Variants in NEK6 observed in about 807,000 individuals in gnomAD.
NEK6 encodes NIMA related kinase 6, also known as serine/threonine-protein kinase Nek6.
Under a neutral mutation model 43.5 loss-of-function variants are expected in NEK6, and 27 were observed. The observed-to-expected ratio is 0.62, with a 90% CI of 0.46 to 0.86. The LOEUF is 0.86. NEK6 is among the 40% of genes least tolerant of loss of function. The pLI is 0.00. For missense variants in NEK6, 318 were observed against 414.4 expected, an observed-to-expected ratio of 0.77 and a Z score of 2.02; for synonymous variants, 167 against 164.1, an observed-to-expected ratio of 1.02 and a Z score of -0.14.
chr9:124,291,812 G>A, intron 1 of NEK6: 6 of 985,376 alleles, frequency 6.1e-6, no homozygotes, highest in Non-Finnish European at 7.2e-6. Context: ...TAAGCAGGGG[G>A]CTCCGTGGCG....
intron 2 of NEK6, 124 bp from the exon 3 acceptor site, chr9:124,312,385 G>T: frequency 1.7e-6 from 2 of 1,167,940 alleles, no homozygotes; most frequent in South Asian, 1.6e-5. Context: ...CCCAGAGCAG[G>T]GTTGGCAGCA....
intron 1 of NEK6, among the ~76,000 whole-genome samples, chr9:124,286,806 A>G (rs998279921): frequency 6.6e-6 from 1 of 152,150 alleles, no homozygotes; most frequent in Non-Finnish European, 1.5e-5. Context: ...CTAGGGTGTG[A>G]GTCTGTCTCC....
chr9:124,298,270 C>T (rs1025954503), intron 1 of NEK6, among the ~76,000 whole-genome samples: 4 of 151,958 alleles, frequency 2.6e-5, no homozygotes, highest in East Asian at 1.9e-4. Flanking sequence ...CTCTGGCTCT[C>T]GGTGGGTAGG....
intron 1 of NEK6, among the ~76,000 whole-genome samples, chr9:124,271,642 C>T (rs1025312338): frequency 1.3e-5 from 2 of 152,258 alleles, no homozygotes; most frequent in Admixed American, 6.5e-5. Flanking sequence ...AACCCAGGCC[C>T]GGCTGGCCCC....
At chr9:124,301,910 G>GAAC in intron 1 of NEK6, 26 bp from the exon 2 acceptor site, 1 of 1,535,968 alleles carries the variant, frequency 6.5e-7, no homozygotes, top group Non-Finnish European at 8.8e-7. Flanking sequence ...AAGAGAAAGT[G>GAAC]AACAGGCCGC....
At chr9:124,345,747 C>T (rs556001011) in intron 8 of NEK6, among the ~76,000 whole-genome samples, 1 of 152,334 alleles carries the variant, frequency 6.6e-6, no homozygotes, top group East Asian at 1.9e-4. Context: ...CCTTAATCCT[C>T]CAGCTGCAAC....
chr9:124,272,212 C>T (rs1233476890), intron 1 of NEK6, among the ~76,000 whole-genome samples: 1 of 152,224 alleles, frequency 6.6e-6, no homozygotes, highest in Non-Finnish European at 1.5e-5. Flanking sequence ...GAGCGCTTCC[C>T]CAGGCCACAG....
chr9:124,283,517 G>A (rs1222556366), intron 1 of NEK6, among the ~76,000 whole-genome samples: 3 of 152,118 alleles, frequency 2.0e-5, no homozygotes, highest in South Asian at 4.1e-4. Flanking sequence ...ACTTGGTATC[G>A]CGGGAGGGAG....
rs1358060345 is a variant in NEK6 at position 124,312,713 on chromosome 9, G to T, written c.231+64G>T. On this transcript the variant is annotated intron_variant, in intron 3 of 9. Coordinates refer to ENST00000320246, the MANE Select transcript of NEK6 (RefSeq NM_014397.6). Reference sequence around the variant, plus strand: ...GAGGTGGTCTCTGCATCTGGACGGGGTGCCCGGGCCAGTCCCTTCTCTCCC... The same window carrying T: ...GAGGTGGTCTCTGCATCTGGACGGGTTGCCCGGGCCAGTCCCTTCTCTCCC... 10 of 1,543,170 alleles carry T rather than the reference G, an allele frequency of 6.5e-6. No homozygotes were observed. In the South Asian group the frequency reaches 7.1e-5, roughly 11 times the overall value.
Position 124,326,585 on chromosome 9 carries a change from G to GCGCA in NEK6, c.514+149_514+152dup. On this transcript the variant is annotated intron_variant, in intron 6 of 9. Transcript: ENST00000320246. The surrounding 1 kb of genome is among the most constrained non-coding windows in gnomAD (Gnocchi z 4.5). ...CAGGCAAGGGGGCTGCCCAGCAACC[G>GCGCA]CGCACACACACGCGCCCGGGTCAGG... 1 of 629,190 alleles carries GCGCA rather than the reference G, an allele frequency of 1.6e-6. No homozygotes were observed. The highest frequency in any genetic ancestry group is 2.8e-6 in the Non-Finnish European group (1 of 351,684). The allele number at this position is 629,190 out of a possible 1,614,324, so 39.0% of individuals were successfully genotyped here.
intron 9 of NEK6, among the ~76,000 whole-genome samples, chr9:124,350,589 C>T (rs1383331788): frequency 2.6e-5 from 4 of 152,190 alleles, no homozygotes; most frequent in African/African-American, 7.2e-5. Flanking sequence ...GTTAACCATT[C>T]TTAGGGTCTC....
intron 1 of NEK6, among the ~76,000 whole-genome samples, chr9:124,277,399 T>C (rs575839036): frequency 1.3e-5 from 2 of 152,368 alleles, no homozygotes; most frequent in South Asian, 4.1e-4. Flanking sequence ...TGAGCCGAGC[T>C]TGTGCCATTG....
At chr9:124,292,449 G>C in intron 1 of NEK6, 1 of 1,537,030 alleles carries the variant, frequency 6.5e-7, no homozygotes, top group South Asian at 1.2e-5. Flanking sequence ...CCTGTGGGAA[G>C]GAGAGAAAAT....
intron 1 of NEK6, among the ~76,000 whole-genome samples, chr9:124,267,594 T>A (rs1159990214): frequency 6.6e-6 from 1 of 152,196 alleles, no homozygotes; most frequent in African/African-American, 2.4e-5. Flanking sequence ...AGCCTAGTGG[T>A]GACAGCGTGG....
intron 1 of NEK6, among the ~76,000 whole-genome samples, chr9:124,297,931 G>C (rs1832773193): frequency 6.6e-6 from 1 of 152,174 alleles, no homozygotes; most frequent in South Asian, 2.1e-4. Context: ...CACAGGGCTT[G>C]GGTTTCTGTT....
At chr9:124,348,655 A>G (rs1830088576) in intron 9 of NEK6, among the ~76,000 whole-genome samples, 1 of 152,216 alleles carries the variant, frequency 6.6e-6, no homozygotes, top group Non-Finnish European at 1.5e-5. Context: ...TAACACTGCC[A>G]CCACCATCCA....
chr9:124,322,098 C>T (rs1834095187), intron 5 of NEK6, among the ~76,000 whole-genome samples: 1 of 152,162 alleles, frequency 6.6e-6, no homozygotes, highest in Non-Finnish European at 1.5e-5. Context: ...CTGAGGATAC[C>T]CAGCATTGTG....
Position 124,327,423 on chromosome 9 carries a change from G to T in NEK6, c.600G>T (p.Glu200Asp). 1 of 1,613,082 alleles carries T rather than the reference G, an allele frequency of 6.2e-7. No homozygotes were observed. Among genetic ancestry groups the T allele is most frequent in the South Asian group, 1.1e-5 (1 of 91,078 alleles). ...DLGLGRFFSS[E>D]TTAAHSLVGT... ...GTCTGGGCCGCTTCTTCAGCTCTGA[G>T]ACCACCGCAGCCCACTCCCTAGGTA... The change falls in exon 7 of 10, where the codon GAG (glutamate) becomes GAT (aspartate). Residue 200 changes from glutamate to aspartate, a missense_variant. Around this residue, in one of 2 missense-constraint regions of NEK6, gnomAD observed 239 missense variants for 344.4 expected, o/e 0.69. Transcript: ENST00000320246.
At chr9:124,295,716 G>A (rs938125466) in intron 1 of NEK6, among the ~76,000 whole-genome samples, 1 of 152,212 alleles carries the variant, frequency 6.6e-6, no homozygotes, top group African/African-American at 2.4e-5. Flanking sequence ...CATGTGTGGT[G>A]CATGCTCTGT....
Sources: gnomAD v4.1 joint callset for allele counts (sites outside exome capture counted in the v4.1 genomes callset) on GRCh38, gnomAD v4.1.1 for gene constraint, gnomAD v4.1.1 regional missense constraint, Gnocchi (gnomAD v3.1) non-coding constraint, MANE v1.5 for transcripts, NCBI Gene and HGNC (gene_info 2026-07-23, HGNC 2026-07-21) for gene names.